Variants in CC2D1A observed in about 807,000 individuals in gnomAD.
The protein encoded by CC2D1A is coiled-coil and C2 domain containing 1A, also known as coiled-coil and C2 domain-containing protein 1A.
Under a neutral mutation model 123.8 loss-of-function variants are expected in CC2D1A, and 68 were observed. The observed-to-expected ratio is 0.55, with a 90% CI of 0.45 to 0.67. CC2D1A has a LOEUF of 0.67. Ranked by LOEUF, CC2D1A falls within the 30% of genes least tolerant of loss-of-function variation. The pLI is 0.00. For synonymous variants in CC2D1A, 477 were observed against 528.0 expected (o/e 0.90, Z 1.32); for missense variants, 1,185 against 1,290.3 (o/e 0.92, Z 1.25).
chr19:13,925,933 A>AAAAAAATATAT (rs1315518981), intron 17 of CC2D1A, among the ~76,000 whole-genome samples: 1 of 91,052 alleles, frequency 1.1e-5, no homozygotes, highest in African/African-American at 6.8e-5. Context: ...AAAAAAAAAA[A>AAAAAAATATAT]ATATATATAT....
chr19:13,919,085 C>T (rs779633150), intron 10 of CC2D1A, 43 bp downstream of exon 10: 3 of 1,602,406 alleles, frequency 1.9e-6, no homozygotes, highest in Admixed American at 1.7e-5. Context: ...GTGGGCAGCC[C>T]GGGAGCCCTC....
chr19:13,912,970 G>A (rs1971056418), intron 4 of CC2D1A, among the ~76,000 whole-genome samples, 198 bp from the exon 5 acceptor site: 1 of 152,188 alleles, frequency 6.6e-6, no homozygotes, highest in African/African-American at 2.4e-5. Context: ...ACAGCCATGT[G>A]ACCCATATCA....
At position 13,920,919 on chromosome 19, in the gene CC2D1A, C is replaced by G. The variant is rs559898844; in HGVS notation, c.1638C>G (p.Thr546=). Reference sequence around the variant, plus strand: ...GCAATGGGCTGCCTGTGGACATCACCAAGGTGAACCTTCTGGGCTTGTGGG... The same window carrying G: ...GCAATGGGCTGCCTGTGGACATCACGAAGGTGAACCTTCTGGGCTTGTGGG... The part of the protein sequence containing the change: ...ASRNGLPVDI[T]KVPPAPVNKD... Residue 546 remains threonine, a synonymous_variant, in exon 14 of 29, where the codon ACC becomes ACG. Coordinates refer to ENST00000318003, the MANE Select transcript of CC2D1A (RefSeq NM_017721.5). 6.2e-7 allele frequency: 1 copy of G among 1,611,130 alleles called. No homozygotes were observed. The highest frequency in any genetic ancestry group is 8.5e-7 in the Non-Finnish European group (1 of 1,178,510).
intron 14 of CC2D1A, among the ~76,000 whole-genome samples, chr19:13,922,297 C>T (rs578047111): frequency 6.6e-6 from 1 of 152,320 alleles, no homozygotes; most frequent in Non-Finnish European, 1.5e-5. Context: ...CCACTGTGCC[C>T]GGCCTGCCCC....
intron 1 of CC2D1A, among the ~76,000 whole-genome samples, chr19:13,907,705 T>A (rs1254497971): frequency 2.6e-5 from 4 of 151,788 alleles, no homozygotes; most frequent in Non-Finnish European, 5.9e-5. Flanking sequence ...TGAAAATAAA[T>A]AAATAAATAA....
Position 13,919,888 on chromosome 19 carries a change from T to C in CC2D1A, c.1293T>C (p.Thr431=), listed in dbSNP as rs756303755. ...TQQSLVGVLE[T]AMKLANQDEG... is the part of the protein sequence containing the mutation. ...AGAGTCTGGTGGGTGTCCTGGAGAC[T>C]GCCATGAAGCTGGCCAACCAGGATG... The change falls in exon 12 of 29, where the codon ACT becomes ACC. Residue 431 remains threonine (T), a synonymous_variant. Coordinates refer to ENST00000318003, the MANE Select transcript of CC2D1A (RefSeq NM_017721.5). The C allele has an allele frequency of 3.0e-5, 48 of 1,613,264 alleles. No individual in the cohort carries two copies. The Admixed American group carries it at 6.8e-4, about 23-fold the overall frequency.
chr19:13,918,895 C>A lies in CC2D1A; in HGVS notation c.1019-17C>A. The A allele has an allele frequency of 6.2e-7, 1 of 1,606,878 alleles. No homozygotes were observed. Among genetic ancestry groups the A allele is most frequent in the South Asian group, 1.1e-5 (1 of 90,326 alleles). On this transcript the variant is annotated splice_polypyrimidine_tract_variant and intron_variant, in intron 9 of 28. Coordinates refer to ENST00000318003, the MANE Select transcript of CC2D1A (RefSeq NM_017721.5). Reference sequence around the variant, plus strand: ...CCCATCCGTTGACTCTTAACCTTGTCCCCCTGTCCGGCCCAGAGGTGCCCC... The same window carrying A: ...CCCATCCGTTGACTCTTAACCTTGTACCCCTGTCCGGCCCAGAGGTGCCCC...
Position 13,926,991 on chromosome 19 carries a change from G to T in CC2D1A, c.2139G>T (p.Gln713His). The change falls in exon 21 of 29, where the codon CAG becomes CAT. Residue 713 changes from glutamine (Q) to histidine (H), a missense_variant. Physicochemically the swap from Gln to His is conservative, Grantham distance 24. Transcript: ENST00000318003. The part of the protein sequence containing the change: ...KNTDSPEFKE[Q>H]FKLCINRSHR... The stretch of plus-strand genomic sequence containing the variant: ...TTCCTCCTGCAGAGTTCAAGGAGCA[G>T]TTCAAACTCTGCATCAACCGCAGCC... 1 of 1,614,042 alleles carries T rather than the reference G, an allele frequency of 6.2e-7. No individual in the cohort carries two copies. The highest frequency in any genetic ancestry group is 8.5e-7 in the Non-Finnish European group (1 of 1,179,968).
chr19:13,914,503 T>C (rs1470524423), intron 6 of CC2D1A, among the ~76,000 whole-genome samples: 1 of 148,926 alleles, frequency 6.7e-6, no homozygotes, highest in African/African-American at 2.5e-5. Flanking sequence ...CCTGGCTAAT[T>C]TTTTGTATTT....
chr19:13,908,668 G>A (rs1970883361), intron 1 of CC2D1A, among the ~76,000 whole-genome samples: 1 of 151,870 alleles, frequency 6.6e-6, no homozygotes, highest in African/African-American at 2.4e-5. Flanking sequence ...GTTTCACCAT[G>A]TTGGCTAGGC....
rs184903842 is a variant in CC2D1A at position 13,912,635 on chromosome 19, C to T, written c.378+42C>T. The T allele has an allele frequency of 5.6e-4, 899 of 1,599,360 alleles. 20 individuals are homozygous for T. In the East Asian group the frequency reaches 0.016, roughly 28 times the overall value. On this transcript the variant is annotated intron_variant, in intron 4 of 28. Coordinates refer to ENST00000318003, the MANE Select transcript of CC2D1A (RefSeq NM_017721.5). ...TCCACTCCCTTGAACCACAACCCAA[C>T]GGACAGCCCGGGGTTCAAGACCTAG...
At position 13,923,798 on chromosome 19, in the gene CC2D1A, T is replaced by C. The variant is rs1971496917; in HGVS notation, c.1927T>C (p.Phe643Leu). ...TPTARFEQRT[F>L]SVIKIFPDLS... is the part of the protein sequence containing the mutation. ...CACCGCCCGCTTTGAGCAAAGGACCTTCAGCGTCATCAAGTAAGGCTCCTG... is the reference window on the plus strand; with the variant it reads ...CACCGCCCGCTTTGAGCAAAGGACCCTCAGCGTCATCAAGTAAGGCTCCTG... The change falls in exon 17 of 29, where the codon TTC becomes CTC. Residue 643 changes from phenylalanine to leucine, a missense_variant. Physicochemically the swap from Phe to Leu is conservative, Grantham distance 22. Coordinates refer to ENST00000318003, the MANE Select transcript of CC2D1A (RefSeq NM_017721.5). The surrounding 1 kb of genome is among the most constrained non-coding windows in gnomAD (Gnocchi z 5.3). 5.0e-6 allele frequency: 8 copies of C among 1,613,344 alleles called. No homozygotes were observed. Among genetic ancestry groups the C allele is most frequent in the Non-Finnish European group, 5.9e-6 (7 of 1,179,332 alleles).
At position 13,925,556 on chromosome 19, in the gene CC2D1A, G is replaced by A. The variant is rs142674437; in HGVS notation, c.1941-961G>A. Reference sequence around the variant, plus strand: ...GATCGCACTGCACTCCAGCCTGGGCGACAGAGTGAGACTGTCTCAAAAAAA... The same window carrying A: ...GATCGCACTGCACTCCAGCCTGGGCAACAGAGTGAGACTGTCTCAAAAAAA... On this transcript the variant is annotated intron_variant, in intron 17 of 28. Coordinates refer to ENST00000318003, the MANE Select transcript of CC2D1A (RefSeq NM_017721.5). Among the ~76,000 whole-genome samples the A allele has an allele frequency of 2.6e-3, 398 of 151,580 alleles. 1 individual carries two copies. The highest frequency in any genetic ancestry group is 9.2e-3 in the African/African-American group (379 of 41,166).
chr19:13,915,591 T>C (rs1599386160), intron 6 of CC2D1A, among the ~76,000 whole-genome samples: 2 of 151,944 alleles, frequency 1.3e-5, no homozygotes, highest in South Asian at 4.2e-4. Flanking sequence ...TAGTGGCTCA[T>C]GCCTGTAATC....
At chr19:13,926,030 A>ATATATATGTG (rs1971615690) in intron 17 of CC2D1A, among the ~76,000 whole-genome samples, 1 of 87,688 alleles carries the variant, frequency 1.1e-5, no homozygotes, top group African/African-American at 7.4e-5. Context: ...ATATATGTGT[A>ATATATATGTG]TATATATATA....
At chr19:13,920,973 C>T (rs374790711) in intron 14 of CC2D1A, 51 bp downstream of exon 14, 32 of 1,529,692 alleles carry the variant, frequency 2.1e-5, no homozygotes, top group Middle Eastern at 2.0e-4. Flanking sequence ...TTGTCAGGCT[C>T]CTGCCCCTTA....
intron 11 of CC2D1A, 53 bp downstream of exon 11, chr19:13,919,255 C>G: frequency 7.0e-7 from 1 of 1,424,800 alleles, no homozygotes; most frequent in Non-Finnish European, 9.5e-7. Context: ...CCCGTAGGCC[C>G]CGCCCCCAGA....
rs200884173 is a variant in CC2D1A at position 13,913,270 on chromosome 19, G to A, written c.481G>A (p.Ala161Thr). Reference sequence around the variant, plus strand: ...AAGCGCCAGACAAGCTGGAGACAGCGCCAAGATGCGGCGCTACGATCGGGG... The same window carrying A: ...AAGCGCCAGACAAGCTGGAGACAGCACCAAGATGCGGCGCTACGATCGGGG... ...IESARQAGDS[A>T]KMRRYDRGLK... is the part of the protein sequence containing the mutation. Residue 161 changes from alanine to threonine, a missense_variant, in exon 5 of 29, where the codon GCC (alanine) becomes ACC (threonine). Coordinates refer to ENST00000318003, the MANE Select transcript of CC2D1A (RefSeq NM_017721.5). 56 of 1,613,636 alleles carry A rather than the reference G, an allele frequency of 3.5e-5. No individual in the cohort carries two copies. The highest frequency in any genetic ancestry group is 5.3e-5 in the African/African-American group (4 of 75,056).
At chr19:13,911,677 C>CG (rs913886901) in intron 2 of CC2D1A, among the ~76,000 whole-genome samples, 2 of 143,648 alleles carry the variant, frequency 1.4e-5, no homozygotes, top group Non-Finnish European at 3.0e-5. Flanking sequence ...TCTTTAGCAG[C>CG]GGGGATTACA....
Sources: allele counts gnomAD v4.1 joint callset (sites outside exome capture counted in the v4.1 genomes callset), GRCh38; gene constraint gnomAD v4.1.1; non-coding constraint Gnocchi (gnomAD v3.1); transcripts MANE v1.5; gene names NCBI Gene and HGNC (gene_info 2026-07-23, HGNC 2026-07-21).